The following CCDC85A variants were observed in gnomAD, a reference collection of about 807,000 sequenced individuals.
CCDC85A encodes coiled-coil domain containing 85A, also known as coiled-coil domain-containing protein 85A.
Under a neutral mutation model 50.2 loss-of-function variants are expected in CCDC85A, and 38 were observed. That is an observed-to-expected ratio of 0.76 (90% CI 0.58 to 0.99). CCDC85A has a LOEUF of 0.99. Among genes scored for constraint, CCDC85A ranks in the 50% least tolerant of loss-of-function variants. CCDC85A has a pLI of 0.00. For synonymous variants in CCDC85A, 366 were observed against 301.4 expected (o/e 1.21, Z -2.22); for missense variants, 820 against 742.0 (o/e 1.11, Z -1.22).
At chr2:56,194,023 T>C (rs141018687) in intron 2 of CCDC85A, among the ~76,000 whole-genome samples, 2 of 152,366 alleles carry the variant, frequency 1.3e-5, no homozygotes, top group African/African-American at 4.8e-5. Flanking sequence ...GTTGGAGGCC[T>C]GAATCTGTGA....
At position 56,184,912 on chromosome 2, in the gene CCDC85A, C is replaced by G. The variant is rs1290771626; in HGVS notation, c.276+12C>G. 40 of 1,480,880 alleles carry G rather than the reference C, an allele frequency of 2.7e-5. No homozygotes were observed. The highest frequency in any genetic ancestry group is 3.6e-5 in the Non-Finnish European group (40 of 1,120,074). The allele number at this position is 1,480,880 out of a possible 1,614,324, so 91.7% of individuals were successfully genotyped here. The stretch of plus-strand genomic sequence containing the variant: ...TCCGCGGCCTCAAGGTGAGCGCGGG[C>G]CAGGTGGGGAGGCGCGGCGCGGCTG... On this transcript the variant is annotated intron_variant, in intron 1 of 5. Coordinates refer to ENST00000407595, the MANE Select transcript of CCDC85A (RefSeq NM_001080433.2).
chr2:56,263,646 G>C (rs1410633891), intron 2 of CCDC85A, among the ~76,000 whole-genome samples: 1 of 152,208 alleles, frequency 6.6e-6, no homozygotes, highest in African/African-American at 2.4e-5. Flanking sequence ...ATATATGCTA[G>C]ACTGAAAGAT....
intron 1 of CCDC85A, among the ~76,000 whole-genome samples, chr2:56,191,315 G>C (rs531882291): frequency 6.6e-6 from 1 of 152,312 alleles, no homozygotes; most frequent in South Asian, 2.1e-4. Flanking sequence ...GCTGTACCAT[G>C]TCAGGGTCTT....
At chr2:56,303,440 A>G (rs1181951433) in intron 2 of CCDC85A, among the ~76,000 whole-genome samples, 2 of 152,124 alleles carry the variant, frequency 1.3e-5, no homozygotes, top group East Asian at 1.9e-4. Context: ...CTTAATCAGT[A>G]TTTATTGCAT....
chr2:56,274,553 A>C (rs214044), intron 2 of CCDC85A, among the ~76,000 whole-genome samples: 17 of 151,960 alleles, frequency 1.1e-4, no homozygotes, highest in Admixed American at 9.2e-4. Flanking sequence ...GATTGGATAA[A>C]GCCCACCCAC....
intron 2 of CCDC85A, among the ~76,000 whole-genome samples, chr2:56,277,318 G>C (rs1365049373): frequency 6.6e-6 from 1 of 151,996 alleles, no homozygotes; most frequent in African/African-American, 2.4e-5. Context: ...ACAGATTGTT[G>C]GTTGTTTTTC....
chr2:56,348,079 T>G (rs1674718596), intron 3 of CCDC85A, among the ~76,000 whole-genome samples: 1 of 152,240 alleles, frequency 6.6e-6, no homozygotes, highest in African/African-American at 2.4e-5. Flanking sequence ...TTGTGCTGAC[T>G]TGGGATTTTG....
intron 2 of CCDC85A, among the ~76,000 whole-genome samples, chr2:56,329,368 TG>T (rs1673643097): frequency 6.6e-6 from 1 of 152,200 alleles, no homozygotes; most frequent in Non-Finnish European, 1.5e-5. Context: ...AGAATGTTCC[TG>T]GAGAGGAGGA....
At chr2:56,368,603 A>G (rs1675920828) in intron 3 of CCDC85A, among the ~76,000 whole-genome samples, 1 of 152,106 alleles carries the variant, frequency 6.6e-6, no homozygotes, top group Non-Finnish European at 1.5e-5. Context: ...AAGCATCTTT[A>G]AGTAACAGGA....
At chr2:56,204,399 T>A (rs1676875697) in intron 2 of CCDC85A, among the ~76,000 whole-genome samples, 1 of 152,206 alleles carries the variant, frequency 6.6e-6, no homozygotes, top group Non-Finnish European at 1.5e-5. Context: ...ACCTTATTTT[T>A]TAAATCTCAT....
chr2:56,276,389 C>T (rs1433593178), intron 2 of CCDC85A, among the ~76,000 whole-genome samples: 2 of 151,994 alleles, frequency 1.3e-5, no homozygotes, highest in African/African-American at 4.8e-5. Flanking sequence ...TTGACTGTAT[C>T]CCCACCCAAA....
intron 2 of CCDC85A, among the ~76,000 whole-genome samples, chr2:56,340,461 C>T (rs2104317045): frequency 6.6e-6 from 1 of 152,200 alleles, no homozygotes; most frequent in South Asian, 2.1e-4. Flanking sequence ...GGAAGTGTTA[C>T]CAGTAGCGAA....
chr2:56,267,815 A>G (rs1000901775), intron 2 of CCDC85A, among the ~76,000 whole-genome samples: 2 of 152,232 alleles, frequency 1.3e-5, no homozygotes, highest in African/African-American at 4.8e-5. Flanking sequence ...TCTAACTATC[A>G]GGATTTAGAT....
chr2:56,342,946 G>A lies in CCDC85A; in HGVS notation c.1308G>A (p.Met436Ile). The A allele has an allele frequency of 6.3e-7, 1 of 1,592,564 alleles. No individual in the cohort carries two copies. The highest frequency in any genetic ancestry group is 8.6e-7 in the Non-Finnish European group (1 of 1,168,380). The change falls in exon 3 of 6, where the codon ATG (methionine) becomes ATA (isoleucine). Residue 436 changes from methionine to isoleucine, a missense_variant. Met to Ile is a conservative substitution (Grantham distance 10). Transcript: ENST00000407595. Reference protein sequence around the residue: ...RVRQLEEENRMLPQASQNRRQ... With the variant: ...RVRQLEEENRILPQASQNRRQ... ...GACAGCTGGAGGAAGAAAATCGCATGCTGCCCCAGGTGGGTGACTTCCAGA... is the reference window on the plus strand; with the variant it reads ...GACAGCTGGAGGAAGAAAATCGCATACTGCCCCAGGTGGGTGACTTCCAGA...
chr2:56,194,393 A>T (rs1037811109), intron 2 of CCDC85A, among the ~76,000 whole-genome samples: 8 of 152,304 alleles, frequency 5.3e-5, no homozygotes, highest in African/African-American at 1.9e-4. Context: ...CAATCCTTTT[A>T]TGTTACCTAT....
At chr2:56,299,833 C>T (rs1672120668) in intron 2 of CCDC85A, among the ~76,000 whole-genome samples, 1 of 152,126 alleles carries the variant, frequency 6.6e-6, no homozygotes, top group South Asian at 2.1e-4. Flanking sequence ...GCTTACCTTC[C>T]CCTCCATTCA....
chr2:56,200,015 C>A (rs1339679153), intron 2 of CCDC85A, among the ~76,000 whole-genome samples: 1 of 152,160 alleles, frequency 6.6e-6, no homozygotes, highest in African/African-American at 2.4e-5. Context: ...ATTACAGGCG[C>A]ACACCACCAC....
At chr2:56,226,201 C>G (rs866087740) in intron 2 of CCDC85A, among the ~76,000 whole-genome samples, 5 of 152,286 alleles carry the variant, frequency 3.3e-5, no homozygotes, top group Middle Eastern at 6.8e-3. Context: ...TTTACTTGCT[C>G]TGAGAGAAAT....
intron 1 of CCDC85A, chr2:56,185,716 C>A (rs1395075492): frequency 6.6e-6 from 1 of 152,352 alleles, no homozygotes; most frequent in Non-Finnish European, 1.5e-5. Context: ...CACTAACTTT[C>A]TTTTCTCCTT....
Sources: allele counts gnomAD v4.1 joint callset (sites outside exome capture counted in the v4.1 genomes callset), GRCh38; gene constraint gnomAD v4.1.1; transcripts MANE v1.5; gene names NCBI Gene and HGNC (gene_info 2026-07-23, HGNC 2026-07-21).